The following IQCH variants were observed in gnomAD, a reference collection of about 807,000 sequenced individuals.
IQCH encodes IQ motif containing H.
IQCH carries 98 observed loss-of-function variants against 117.0 expected under a neutral mutation model. The observed-to-expected ratio is 0.84, with a 90% CI of 0.71 to 0.99. IQCH has a LOEUF of 0.99. Among genes scored for constraint, IQCH ranks in the 50% least tolerant of loss-of-function variants. The pLI is 0.00. For missense variants in IQCH, 1,102 were observed against 1,243.8 expected (o/e 0.89, Z 1.72); for synonymous variants, 412 against 448.2 (o/e 0.92, Z 1.02).
At chr15:67,434,070 GGATGTGTGTGTGTGTGTGGT>G in intron 16 of IQCH, among the ~76,000 whole-genome samples, 1 of 146,696 alleles carries the variant, frequency 6.8e-6, no homozygotes, top group East Asian at 2.0e-4. Flanking sequence ...CATCTCACTT[GGATGTGTGTGTGTGTGTGGT>G]CAGAAGTTAA....
chr15:67,448,068 A>G (rs2082428580), intron 16 of IQCH, among the ~76,000 whole-genome samples: 1 of 152,098 alleles, frequency 6.6e-6, no homozygotes, highest in Non-Finnish European at 1.5e-5. Context: ...GGCTTATCAC[A>G]GGCTCCCACA....
Position 67,370,968 on chromosome 15 carries a change from G to GA in IQCH, c.754-1143_754-1142insA, listed in dbSNP as rs937416452. On this transcript the variant is annotated intron_variant, in intron 8 of 20. Transcript: ENST00000335894. This position sits in a 1 kb window ranked among gnomAD's most constrained non-coding sequence, Gnocchi z 5.6. The stretch of plus-strand genomic sequence containing the variant: ...ATCATTATGGATAAATTGCTGGGGG[G>GA]GGTTTTCTTTGAGTTTTTTGAAAAC... 6.6e-6 allele frequency among the ~76,000 whole-genome samples: 1 copy of GA among 151,164 alleles called. No homozygotes were observed. Among genetic ancestry groups the GA allele is most frequent in the Non-Finnish European group, 1.5e-5 (1 of 67,738 alleles).
intron 4 of IQCH, among the ~76,000 whole-genome samples, chr15:67,331,264 G>A (rs147389470): frequency 4.4e-4 from 67 of 152,092 alleles, no homozygotes; most frequent in African/African-American, 1.5e-3. Context: ...AAATGAAGGA[G>A]CAGAAGGAAT....
intron 18 of IQCH, among the ~76,000 whole-genome samples, chr15:67,477,151 A>G (rs1276869341): frequency 6.8e-6 from 1 of 146,206 alleles, no homozygotes; most frequent in Non-Finnish European, 1.5e-5. Context: ...CCTGGGTTCA[A>G]GTGATTCTCC....
intron 4 of IQCH, among the ~76,000 whole-genome samples, chr15:67,326,815 A>G (rs1369771989): frequency 6.6e-6 from 1 of 152,220 alleles, no homozygotes; most frequent in Admixed American, 6.5e-5. Flanking sequence ...TAATTAACCT[A>G]AATTGTTAAT....
chr15:67,485,117 C>G (rs2141073739), intron 18 of IQCH, among the ~76,000 whole-genome samples: 1 of 152,212 alleles, frequency 6.6e-6, no homozygotes, highest in African/African-American at 2.4e-5. Context: ...ACCAAGCATT[C>G]TATTTCCAGC....
intron 12 of IQCH, among the ~76,000 whole-genome samples, chr15:67,392,455 G>A (rs991107352): frequency 1.3e-5 from 2 of 152,140 alleles, no homozygotes; most frequent in Admixed American, 1.3e-4. Context: ...GAGTTTCCTA[G>A]AACTGCATCC....
At position 67,273,382 on chromosome 15, in the gene IQCH, C is replaced by A. The variant is rs116238267; in HGVS notation, c.270-6013C>A. The stretch of plus-strand genomic sequence containing the variant: ...ACCATGCCTGGCCTGAGCCACCATG[C>A]CCAGCCCATTGCTTTTTATTTCTAA... On this transcript the variant is annotated intron_variant, in intron 3 of 20. Transcript: ENST00000335894. 3.8e-3 allele frequency among the ~76,000 whole-genome samples: 574 copies of A among 152,232 alleles called. 1 individual carries two copies. The highest frequency in any genetic ancestry group is 0.013 in the African/African-American group (548 of 41,540).
rs996619979 is a variant in IQCH, at chr15:67,473,320, C to A, written c.2677-2376C>A. On this transcript the variant is annotated intron_variant, in intron 17 of 20. Coordinates refer to ENST00000335894, the MANE Select transcript of IQCH (RefSeq NM_001031715.3). This position sits in a 1 kb window ranked among gnomAD's most constrained non-coding sequence, Gnocchi z 4.9. The stretch of plus-strand genomic sequence containing the variant: ...AGGGCGAGCAGGCCTTGTGGCCATG[C>A]CCTTCCAGACAGACTAGCTAGCTGG... 6.6e-6 allele frequency among the ~76,000 whole-genome samples: 1 copy of A among 152,206 alleles called. No individual in the cohort carries two copies. The highest frequency in any genetic ancestry group is 2.4e-5 in the African/African-American group (1 of 41,458).
rs117255432 is a variant in IQCH at position 67,419,334 on chromosome 15, G to A, written c.2219-1957G>A. 1.1e-3 allele frequency among the ~76,000 whole-genome samples: 161 copies of A among 152,108 alleles called. 1 individual carries two copies. In the East Asian group the frequency reaches 0.029, roughly 27 times the overall value. ...TTTTCAAAGCTTCTGCCTTTCTCTC[G>A]ACCCAGTGCATACAGCAGGCCCTGC... On this transcript the variant is annotated intron_variant, in intron 15 of 20. Transcript: ENST00000335894.
Position 67,386,786 on chromosome 15 carries a change from T to G in IQCH, c.1456+1767T>G, listed in dbSNP as rs1971121317. Among the ~76,000 whole-genome samples the G allele has an allele frequency of 6.6e-6, 1 of 152,116 alleles. No homozygotes were observed. Among genetic ancestry groups the G allele is most frequent in the Non-Finnish European group, 1.5e-5 (1 of 68,014 alleles). ...AATCAAAGAAAGTTTCATCTTCGTA[T>G]CAATTCCTTTCCAAAATTACCTGTC... is the stretch of plus-strand genomic sequence containing the variant. On this transcript the variant is annotated intron_variant, in intron 11 of 20. Coordinates refer to ENST00000335894, the MANE Select transcript of IQCH (RefSeq NM_001031715.3). The surrounding 1 kb of genome is among the most constrained non-coding windows in gnomAD (Gnocchi z 5.0).
intron 4 of IQCH, among the ~76,000 whole-genome samples, chr15:67,293,595 A>T (rs781045463): frequency 2.0e-5 from 3 of 152,216 alleles, no homozygotes; most frequent in South Asian, 4.1e-4. Flanking sequence ...TACATTTTTT[A>T]AAAAATATTT....
intron 16 of IQCH, among the ~76,000 whole-genome samples, chr15:67,448,342 TTAAGTA>T (rs2082437851): frequency 2.6e-5 from 4 of 151,568 alleles, no homozygotes; most frequent in Admixed American, 1.3e-4. Flanking sequence ...TCATTTAGCA[TTAAGTA>T]TATCTCCTAA....
chr15:67,488,053 T>C (rs760202908), intron 18 of IQCH, among the ~76,000 whole-genome samples: 2 of 152,176 alleles, frequency 1.3e-5, no homozygotes, highest in Non-Finnish European at 2.9e-5. Flanking sequence ...GGCTCATGCC[T>C]GTAATCCCAG....
In IQCH at chr15:67,359,931, A is replaced by G; in HGVS notation, c.753+46A>G. The G allele has an allele frequency of 6.7e-7, 1 of 1,488,262 alleles. No homozygotes were observed. The highest frequency in any genetic ancestry group is 1.4e-5 in the African/African-American group (1 of 72,554). The allele number at this position is 1,488,262 out of a possible 1,614,324, so 92.2% of individuals were successfully genotyped here. On this transcript the variant is annotated intron_variant, in intron 8 of 20. Transcript: ENST00000335894. This position sits in a 1 kb window ranked among gnomAD's most constrained non-coding sequence, Gnocchi z 4.5. The stretch of plus-strand genomic sequence containing the variant: ...GTTGAAATTTAGGGTCTGTCACCTG[A>G]TGTCCCTTCCTTTTGCTGCAGGGCA...
intron 16 of IQCH, among the ~76,000 whole-genome samples, chr15:67,428,717 C>T (rs2081949713): frequency 3.9e-5 from 6 of 151,916 alleles, no homozygotes; most frequent in Admixed American, 3.9e-4. Flanking sequence ...GGCATGGTGG[C>T]ACGTGCCTGT....
At chr15:67,343,928 A>G in intron 5 of IQCH, 135 bp from the exon 6 acceptor site, 1 of 634,978 alleles carries the variant, frequency 1.6e-6, no homozygotes, top group Non-Finnish European at 2.6e-6. Flanking sequence ...TTTTTATGCA[A>G]AGGATTAAGG....
At chr15:67,489,917 A>G (rs2083601878) in intron 18 of IQCH, 86 bp from the exon 19 acceptor site, 3 of 922,944 alleles carry the variant, frequency 3.3e-6, no homozygotes, top group Admixed American at 3.6e-5. Flanking sequence ...AATCAATCTT[A>G]GTAGTCTTTC....
At position 67,474,250 on chromosome 15, in the gene IQCH, A is replaced by G. The variant is rs1191886687; in HGVS notation, c.2677-1446A>G. 2.0e-5 allele frequency among the ~76,000 whole-genome samples: 3 copies of G among 152,070 alleles called. No homozygotes were observed. Among genetic ancestry groups the G allele is most frequent in the African/African-American group, 4.8e-5 (2 of 41,410 alleles). On this transcript the variant is annotated intron_variant, in intron 17 of 20. Coordinates refer to ENST00000335894, the MANE Select transcript of IQCH (RefSeq NM_001031715.3). This position sits in a 1 kb window ranked among gnomAD's most constrained non-coding sequence, Gnocchi z 4.1. ...GCATGTCAGGTCACTACGATTCCTTACGGCCAGCTCCAGACCAGCAGCACC... is the reference window on the plus strand; with the variant it reads ...GCATGTCAGGTCACTACGATTCCTTGCGGCCAGCTCCAGACCAGCAGCACC...
Sources: gnomAD v4.1 joint callset for allele counts (sites outside exome capture counted in the v4.1 genomes callset) on GRCh38, gnomAD v4.1.1 for gene constraint, Gnocchi (gnomAD v3.1) non-coding constraint, MANE v1.5 for transcripts, NCBI Gene and HGNC (gene_info 2026-07-23, HGNC 2026-07-21) for gene names.